The following ZFPM1 variants were observed in gnomAD, a reference collection of about 807,000 sequenced individuals.
The protein encoded by ZFPM1 is zinc finger protein ZFPM1.
Under a neutral mutation model 46.3 loss-of-function variants are expected in ZFPM1, and 28 were observed. The ratio of observed to expected loss-of-function variants is 0.60; its 90% confidence interval spans 0.45 to 0.83. The LOEUF (loss-of-function observed/expected upper bound fraction) is 0.83. Ranked by LOEUF, ZFPM1 falls within the 40% of genes least tolerant of loss-of-function variation. The pLI is 0.00. For synonymous variants in ZFPM1, 957 were observed against 675.9 expected (o/e 1.42, Z -6.45); for missense variants, 1,878 against 1,432.4 (o/e 1.31, Z -5.02).
At chr16:88,484,654 G>T (rs554807707) in intron 1 of ZFPM1, among the ~76,000 whole-genome samples, 1 of 152,306 alleles carries the variant, frequency 6.6e-6, no homozygotes, top group South Asian at 2.1e-4. Flanking sequence ...GAGTATGGGT[G>T]CAGAGGGGGC....
intron 1 of ZFPM1, among the ~76,000 whole-genome samples, chr16:88,476,423 G>A (rs1412490182): frequency 2.0e-5 from 3 of 152,100 alleles, no homozygotes; most frequent in Non-Finnish European, 4.4e-5. Context: ...TGAAGGGAGG[G>A]AGAGAGGGCC....
At chr16:88,462,600 G>C (rs1907948099) in intron 1 of ZFPM1, among the ~76,000 whole-genome samples, 1 of 152,204 alleles carries the variant, frequency 6.6e-6, no homozygotes, top group Non-Finnish European at 1.5e-5. Context: ...TCCTGAGAAG[G>C]AGAGGGCAGC....
rs1912958601 is a variant in ZFPM1 at position 88,533,328 on chromosome 16, C to T, written c.1370C>T (p.Ala457Val). ...AQNGGSSEPPAAPRSIKVEAV... is the reference protein window; with the variant it reads ...AQNGGSSEPPVAPRSIKVEAV... ...AATGGAGGCAGCAGCGAGCCCCCGG[C>T]GGCCCCCAGGAGCATCAAGGTGGAG... is the stretch of plus-strand genomic sequence containing the variant. Residue 457 changes from alanine (A) to valine (V), a missense_variant, in exon 10 of 10, where the codon GCG becomes GTG. By Grantham distance (64) the Ala-to-Val change is moderately conservative. Transcript: ENST00000319555. The T allele has an allele frequency of 1.3e-6, 2 of 1,531,388 alleles. No homozygotes were observed. Among genetic ancestry groups the T allele is most frequent in the Admixed American group, 2.0e-5 (1 of 50,066 alleles). 94.9% of individuals were successfully genotyped at this position (1,531,388 alleles called of 1,614,324 possible). A position where few individuals can be genotyped will look rare whatever the true frequency, so the allele number is the denominator to read the frequency against.
At chr16:88,523,918 G>A (rs1049235499) in intron 4 of ZFPM1, among the ~76,000 whole-genome samples, 8 of 152,208 alleles carry the variant, frequency 5.3e-5, no homozygotes, top group Non-Finnish European at 1.2e-4. Flanking sequence ...CGGCGGGGCC[G>A]GGCGGGAACA....
chr16:88,453,627 G>T lies in ZFPM1; in HGVS notation c.-12G>T. The T allele has an allele frequency of 8.9e-7, 1 of 1,120,746 alleles. No individual in the cohort carries two copies. The highest frequency in any genetic ancestry group is 2.3e-5 in the South Asian group (1 of 43,682). The allele number at this position is 1,120,746 out of a possible 1,614,324, so 69.4% of individuals were successfully genotyped here. Reference sequence around the variant, plus strand: ...AGAGGCGGCCGCCGGGAGGGCGCGCGGCGCCGGAGACATGTCCAGGCGGAA... The same window carrying T: ...AGAGGCGGCCGCCGGGAGGGCGCGCTGCGCCGGAGACATGTCCAGGCGGAA... On this transcript the variant is annotated 5_prime_UTR_variant, in exon 1 of 10. Transcript: ENST00000319555.
In ZFPM1 at chr16:88,500,311, C is replaced by G. The variant is rs960368302; in HGVS notation, c.268+11158C>G. Among the ~76,000 whole-genome samples, 4 of 152,384 alleles carry G rather than the reference C, an allele frequency of 2.6e-5. No individual in the cohort carries two copies. In the South Asian group the frequency reaches 6.2e-4, roughly 24 times the overall value. On this transcript the variant is annotated intron_variant, in intron 3 of 9. Transcript: ENST00000319555. ...ATGGCCGGGGACACAGCCAGCTCCC[C>G]CCATGAGCTGGTGGCCTCGTCAGGA... is the stretch of plus-strand genomic sequence containing the variant.
chr16:88,531,851 G>T lies in ZFPM1; in HGVS notation c.713-151G>T, dbSNP rs533721843. ...GGGCTGTCACAGGACCATCCAGGAG[G>T]CTTACAGTTACAGGAAGGGGTCAAA... On this transcript the variant is annotated intron_variant, in intron 6 of 9. Transcript: ENST00000319555. 334 of 699,788 alleles carry T rather than the reference G, an allele frequency of 4.8e-4. 6 individuals carry two copies. The South Asian group carries it at 6.1e-3, about 13-fold the overall frequency. The allele number at this position is 699,788 out of a possible 1,614,324, so 43.3% of individuals were successfully genotyped here.
chr16:88,509,526 G>A (rs1034397044), intron 3 of ZFPM1, among the ~76,000 whole-genome samples: 14 of 152,220 alleles, frequency 9.2e-5, no homozygotes, highest in African/African-American at 1.9e-4. Context: ...CCGGACGTCC[G>A]CAGACTCACA....
intron 3 of ZFPM1, among the ~76,000 whole-genome samples, chr16:88,498,583 C>G (rs75719424): frequency 8.6e-4 from 131 of 152,328 alleles, no homozygotes; most frequent in African/African-American, 3.1e-3. Flanking sequence ...AGGAACCCCA[C>G]ATGTCCGAGG....
Position 88,497,374 on chromosome 16 carries a change from G to T in ZFPM1, c.268+8221G>T, listed in dbSNP as rs1280886699. On this transcript the variant is annotated intron_variant, in intron 3 of 9. Transcript: ENST00000319555. This position sits in a 1 kb window ranked among gnomAD's most constrained non-coding sequence, Gnocchi z 5.4. ...CCTGAGTTTCAAGTGGTCAGTGGTG[G>T]CTGGAACATCAGGGCCCGGGCGGGG... 6.6e-6 allele frequency among the ~76,000 whole-genome samples: 1 copy of T among 151,894 alleles called. No individual in the cohort carries two copies. Among genetic ancestry groups the T allele is most frequent in the Non-Finnish European group, 1.5e-5 (1 of 67,974 alleles).
Position 88,533,604 on chromosome 16 carries a change from T to C in ZFPM1, c.1646T>C (p.Leu549Pro). 2 of 1,489,900 alleles carry C rather than the reference T, an allele frequency of 1.3e-6. No homozygotes were observed. Among genetic ancestry groups the C allele is most frequent in the Non-Finnish European group, 1.8e-6 (2 of 1,119,232 alleles). The allele number at this position is 1,489,900 out of a possible 1,614,324, so 92.3% of individuals were successfully genotyped here. A position where few individuals can be genotyped will look rare whatever the true frequency, so the allele number is the denominator to read the frequency against. ...ASEILAKMSE[L>P]VHSRLQQGAG... ...GAGATCCTGGCCAAGATGTCCGAGC[T>C]GGTGCACAGCCGGCTGCAGCAGGGC... The change falls in exon 10 of 10, where the codon CTG (leucine) becomes CCG (proline). Residue 549 changes from leucine (L) to proline (P), a missense_variant. Physicochemically the swap from Leu to Pro is moderately conservative, Grantham distance 98 (BLOSUM62 -3). Transcript: ENST00000319555.
rs972163895 is a variant in ZFPM1 at position 88,469,216 on chromosome 16, G to A, written c.40+15538G>A. ...CCTCTCCCCGCGCTGACTTCCATCC[G>A]GAACCTCATTCTGCCAAGCTTCTGA... On this transcript the variant is annotated intron_variant, in intron 1 of 9. Coordinates refer to ENST00000319555, the MANE Select transcript of ZFPM1 (RefSeq NM_153813.3). This position sits in a 1 kb window ranked among gnomAD's most constrained non-coding sequence, Gnocchi z 4.3. Among the ~76,000 whole-genome samples the A allele has an allele frequency of 1.3e-5, 2 of 152,148 alleles. No individual in the cohort carries two copies. Among genetic ancestry groups the A allele is most frequent in the Non-Finnish European group, 1.5e-5 (1 of 68,028 alleles).
intron 1 of ZFPM1, among the ~76,000 whole-genome samples, chr16:88,475,419 G>A (rs1193872384): frequency 1.3e-5 from 2 of 152,114 alleles, no homozygotes; most frequent in African/African-American, 4.8e-5. Context: ...GAGAAACTGA[G>A]GCCAGCAAGG....
At chr16:88,483,348 G>A (rs1178897011) in intron 1 of ZFPM1, among the ~76,000 whole-genome samples, 5 of 151,818 alleles carry the variant, frequency 3.3e-5, no homozygotes, top group Non-Finnish European at 7.4e-5. Context: ...CGTGGCCTCT[G>A]AGGTCAGCAC....
At chr16:88,461,102 G>A (rs539284325) in intron 1 of ZFPM1, among the ~76,000 whole-genome samples, 27 of 100,984 alleles carry the variant, frequency 2.7e-4, no homozygotes, top group South Asian at 1.3e-3. Context: ...CAAGGGGCAG[G>A]AGGCCCTGGT....
chr16:88,487,950 C>T (rs1033987225), intron 2 of ZFPM1, among the ~76,000 whole-genome samples: 4 of 152,224 alleles, frequency 2.6e-5, no homozygotes, highest in East Asian at 3.9e-4. Flanking sequence ...TCCTTGCCGC[C>T]GTCCCCGTCG....
Position 88,535,012 on chromosome 16 carries a change from G to A in ZFPM1, c.*33G>A, listed in dbSNP as rs1913178334. On this transcript the variant is annotated 3_prime_UTR_variant, in exon 10 of 10. Coordinates refer to ENST00000319555, the MANE Select transcript of ZFPM1 (RefSeq NM_153813.3). ...CACTACAGCCGCAGACGCTTTGCACGCCCCGCTGCGATGCGGGGAGGGGGC... is the reference window on the plus strand; with the variant it reads ...CACTACAGCCGCAGACGCTTTGCACACCCCGCTGCGATGCGGGGAGGGGGC... 6 of 1,357,712 alleles carry A rather than the reference G, an allele frequency of 4.4e-6. 1 individual carries two copies. The South Asian group carries it at 5.6e-5, about 13-fold the overall frequency. 84.1% of individuals were successfully genotyped at this position (1,357,712 alleles called of 1,614,324 possible). A position where few individuals can be genotyped will look rare whatever the true frequency, so the allele number is the denominator to read the frequency against.
intron 3 of ZFPM1, among the ~76,000 whole-genome samples, chr16:88,490,273 C>T (rs1052571191): frequency 5.3e-5 from 8 of 152,070 alleles, no homozygotes; most frequent in Non-Finnish European, 1.0e-4. Flanking sequence ...AGGATGGTCT[C>T]GATCTCCTGA....
At chr16:88,476,585 G>T (rs1415637996) in intron 1 of ZFPM1, among the ~76,000 whole-genome samples, 2 of 152,110 alleles carry the variant, frequency 1.3e-5, no homozygotes, top group African/African-American at 4.8e-5. Context: ...TAGGGGTTTG[G>T]CTTTTGCTCC....
Sources: allele counts gnomAD v4.1 joint callset (sites outside exome capture counted in the v4.1 genomes callset), GRCh38; gene constraint gnomAD v4.1.1; non-coding constraint Gnocchi (gnomAD v3.1); transcripts MANE v1.5; gene names NCBI Gene and HGNC (gene_info 2026-07-23, HGNC 2026-07-21).